The following DNM2 variants were observed in gnomAD, a reference collection of about 807,000 sequenced individuals.
DNM2 encodes dynamin-2.
DNM2 carries 15 observed loss-of-function variants against 99.0 expected under a neutral mutation model. That is an observed-to-expected ratio of 0.15 (90% CI 0.10 to 0.23). The LOEUF is 0.23. Ranked by LOEUF, DNM2 falls within the 10% of genes least tolerant of loss-of-function variation. DNM2 has a pLI of 1.00. For missense variants in DNM2, 742 were observed against 1,189.4 expected (o/e 0.62, Z 5.53); for synonymous variants, 525 against 481.2 (o/e 1.09, Z -1.19).
chr19:10,810,904 C>A (rs2146104602), intron 14 of DNM2: 1 of 152,544 alleles, frequency 6.6e-6, no homozygotes, highest in South Asian at 2.1e-4. Flanking sequence ...ACCAGGACGT[C>A]CTGGACAGAC....
chr19:10,768,259 C>G (rs1159629480), intron 2 of DNM2, among the ~76,000 whole-genome samples: 1 of 152,090 alleles, frequency 6.6e-6, no homozygotes, highest in African/African-American at 2.4e-5. Context: ...CGCGATCATC[C>G]TGGCTAACAC....
intron 7 of DNM2, among the ~76,000 whole-genome samples, chr19:10,790,450 A>T (rs918680285): frequency 3.3e-5 from 5 of 151,978 alleles, no homozygotes; most frequent in African/African-American, 1.2e-4. Flanking sequence ...TTTTCATTTT[A>T]TTTTATTTAT....
intron 1 of DNM2, among the ~76,000 whole-genome samples, chr19:10,729,384 T>C (rs182149527): frequency 1.7e-4 from 26 of 151,874 alleles, no homozygotes; most frequent in African/African-American, 5.8e-4. Context: ...AAAAATATTC[T>C]GAAGAGTGAG....
intron 1 of DNM2, among the ~76,000 whole-genome samples, chr19:10,741,974 C>A (rs1317836930): frequency 6.7e-6 from 1 of 149,080 alleles, no homozygotes; most frequent in Admixed American, 6.8e-5. Flanking sequence ...TTGTTCTTTT[C>A]TTTTTCCTCT....
intron 1 of DNM2, among the ~76,000 whole-genome samples, chr19:10,750,810 G>A (rs1599475433): frequency 6.6e-6 from 1 of 151,936 alleles, no homozygotes; most frequent in Non-Finnish European, 1.5e-5. Flanking sequence ...CTGGGCGCCT[G>A]TAATCCCAGC....
chr19:10,801,199 G>A (rs1013606534), intron 11 of DNM2, among the ~76,000 whole-genome samples: 55 of 152,240 alleles, frequency 3.6e-4, no homozygotes, highest in South Asian at 2.1e-4. Context: ...TCAGCTACTC[G>A]GAAGACTGAG....
At position 10,831,201 on chromosome 19, in the gene DNM2, C is replaced by A; in HGVS notation, c.*154C>A. 7.2e-7 allele frequency: 1 copy of A among 1,396,776 alleles called. No individual in the cohort carries two copies. The highest frequency in any genetic ancestry group is 9.3e-7 in the Non-Finnish European group (1 of 1,079,550). The allele number at this position is 1,396,776 out of a possible 1,614,324, so 86.5% of individuals were successfully genotyped here. On this transcript the variant is annotated 3_prime_UTR_variant, in exon 21 of 21. Transcript: ENST00000389253. The surrounding 1 kb of genome is among the most constrained non-coding windows in gnomAD (Gnocchi z 4.3). ...AACGCTGGCCCCGGTCCAGGGCCGG[C>A]CCCTGTGCCTGGCTGGACACCGCAC...
In DNM2 at chr19:10,830,446, C is replaced by T. The variant is rs1457274745; in HGVS notation, c.2543+68C>T. 4.6e-5 allele frequency: 71 copies of T among 1,530,722 alleles called. No individual in the cohort carries two copies. The highest frequency in any genetic ancestry group is 5.5e-5 in the Non-Finnish European group (62 of 1,122,698). The allele number at this position is 1,530,722 out of a possible 1,614,324, so 94.8% of individuals were successfully genotyped here. A position where few individuals can be genotyped will look rare whatever the true frequency, so the allele number is the denominator to read the frequency against. Reference sequence around the variant, plus strand: ...TGGGGTCTCTCCTCCTGTCTCACTTCCTCCCAGTGAGCTCTCACTACGTGC... The same window carrying T: ...TGGGGTCTCTCCTCCTGTCTCACTTTCTCCCAGTGAGCTCTCACTACGTGC... On this transcript the variant is annotated intron_variant, in intron 20 of 20. Coordinates refer to ENST00000389253, the MANE Select transcript of DNM2 (RefSeq NM_001005361.3). This position sits in a 1 kb window ranked among gnomAD's most constrained non-coding sequence, Gnocchi z 4.8.
intron 13 of DNM2, among the ~76,000 whole-genome samples, chr19:10,807,539 CTTTTTTT>C (rs763788862): frequency 2.2e-5 from 2 of 91,220 alleles, no homozygotes; most frequent in East Asian, 5.4e-4. Flanking sequence ...CACGTCCAGC[CTTTTTTT>C]TTTTTTTTTT....
chr19:10,758,525 T>TTCCCTCCCC (rs1189436449), intron 1 of DNM2, among the ~76,000 whole-genome samples: 3 of 89,890 alleles, frequency 3.3e-5, no homozygotes, highest in Non-Finnish European at 6.6e-5. Flanking sequence ...CTTTCCTCCC[T>TTCCCTCCCC]TCCCTCCCCT....
At chr19:10,823,713 G>C in intron 16 of DNM2, 75 bp from the exon 17 acceptor site, 1 of 1,451,604 alleles carries the variant, frequency 6.9e-7, no homozygotes, top group Non-Finnish European at 9.7e-7. Context: ...GACCCCTAGA[G>C]CCCATTCCTC....
chr19:10,819,132 A>G (rs2072882339), intron 15 of DNM2, among the ~76,000 whole-genome samples: 1 of 152,148 alleles, frequency 6.6e-6, no homozygotes, highest in Non-Finnish European at 1.5e-5. Flanking sequence ...AACCTTAGAA[A>G]GCAAGTGATA....
At position 10,817,990 on chromosome 19, in the gene DNM2, C is replaced by T. The variant is rs987490679; in HGVS notation, c.1672-1990C>T. ...GCCGCGTGATATGATAGGGTCAGGG[C>T]AGCAAAGGCCCTTGGGCAAACGTCC... On this transcript the variant is annotated intron_variant, in intron 15 of 20. Coordinates refer to ENST00000389253, the MANE Select transcript of DNM2 (RefSeq NM_001005361.3). The surrounding 1 kb of genome is among the most constrained non-coding windows in gnomAD (Gnocchi z 4.6). Among the ~76,000 whole-genome samples the T allele has an allele frequency of 6.6e-6, 1 of 152,102 alleles. No individual in the cohort carries two copies. Among genetic ancestry groups the T allele is most frequent in the African/African-American group, 2.4e-5 (1 of 41,414 alleles).
intron 19 of DNM2, 91 bp downstream of exon 19, chr19:10,829,359 G>A: frequency 6.7e-7 from 1 of 1,493,842 alleles, no homozygotes; most frequent in South Asian, 1.2e-5. Context: ...CAGGAAACAG[G>A]ACACAGCCCA....
rs533786005 is a variant in DNM2, at chr19:10,786,351, C to A, written c.850-213C>A. 50 of 769,000 alleles carry A rather than the reference C, an allele frequency of 6.5e-5. No homozygotes were observed. In the South Asian group the frequency reaches 7.3e-4, roughly 11 times the overall value. The allele number at this position is 769,000 out of a possible 1,614,324, so 47.6% of individuals were successfully genotyped here. A position where few individuals can be genotyped will look rare whatever the true frequency, so the allele number is the denominator to read the frequency against. On this transcript the variant is annotated intron_variant, in intron 6 of 20. Coordinates refer to ENST00000389253, the MANE Select transcript of DNM2 (RefSeq NM_001005361.3). ...GTCGGCCCCGTGGGCTGTTTGTAGC[C>A]TCTTACACTCATGGGCAGCTCCGTG...
intron 11 of DNM2, among the ~76,000 whole-genome samples, chr19:10,802,043 T>C (rs1293375479): frequency 6.6e-6 from 1 of 151,952 alleles, no homozygotes; most frequent in African/African-American, 2.4e-5. Context: ...CAATCAAGAC[T>C]CCAGACCTTG....
Position 10,796,234 on chromosome 19 carries a change from G to T in DNM2, c.1196+795G>T. ...CCTCGGCAGGGTGACTCCTGACCTTGTGGAAACGGGGGTACGGGGGTTTGG... is the reference window on the plus strand; with the variant it reads ...CCTCGGCAGGGTGACTCCTGACCTTTTGGAAACGGGGGTACGGGGGTTTGG... On this transcript the variant is annotated intron_variant, in intron 9 of 20. Coordinates refer to ENST00000389253, the MANE Select transcript of DNM2 (RefSeq NM_001005361.3). This position sits in a 1 kb window ranked among gnomAD's most constrained non-coding sequence, Gnocchi z 5.6. 1 of 1,613,540 alleles carries T rather than the reference G, an allele frequency of 6.2e-7. No homozygotes were observed. The highest frequency in any genetic ancestry group is 8.5e-7 in the Non-Finnish European group (1 of 1,179,958).
chr19:10,761,244 C>A (rs2070622341), intron 2 of DNM2, among the ~76,000 whole-genome samples: 1 of 152,074 alleles, frequency 6.6e-6, no homozygotes, highest in East Asian at 1.9e-4. Flanking sequence ...ACTTCGGCCT[C>A]CCAAAGTGTT....
At chr19:10,758,035 C>A (rs1253939894) in intron 1 of DNM2, among the ~76,000 whole-genome samples, 1 of 151,990 alleles carries the variant, frequency 6.6e-6, no homozygotes, top group Non-Finnish European at 1.5e-5. Flanking sequence ...CCTTTCGAGC[C>A]TTTAATGTAC....
Sources: allele counts gnomAD v4.1 joint callset (sites outside exome capture counted in the v4.1 genomes callset), GRCh38; gene constraint gnomAD v4.1.1; non-coding constraint Gnocchi (gnomAD v3.1); transcripts MANE v1.5; gene names NCBI Gene and HGNC (gene_info 2026-07-23, HGNC 2026-07-21).